Variants in ROCK1 observed in about 807,000 individuals in gnomAD.
The protein encoded by ROCK1 is rho-associated protein kinase 1.
ROCK1 carries 36 observed loss-of-function variants against 196.8 expected under a neutral mutation model. The ratio of observed to expected loss-of-function variants is 0.18; its 90% CI spans 0.14 to 0.24. The LOEUF (loss-of-function observed/expected upper bound fraction) is 0.24, where lower values mean the gene tolerates loss of function less well. Ranked by LOEUF, ROCK1 falls within the 10% of genes least tolerant of loss-of-function variation. ROCK1 has a pLI of 1.00. For synonymous variants in ROCK1, 443 were observed against 515.9 expected, an observed-to-expected ratio of 0.86 and a Z score of 1.91; for missense variants, 920 against 1,562.0, an observed-to-expected ratio of 0.59 and a Z score of 6.93.
chr18:20,962,841 C>T (rs977068025), intron 27 of ROCK1, among the ~76,000 whole-genome samples: 6 of 152,088 alleles, frequency 3.9e-5, no homozygotes, highest in African/African-American at 1.4e-4. Flanking sequence ...CTCAGAGAAG[C>T]AACTGAACTA....
intron 12 of ROCK1, among the ~76,000 whole-genome samples, chr18:21,017,182 ACTT>A (rs1334401374): frequency 4.9e-5 from 6 of 122,422 alleles, no homozygotes; most frequent in Non-Finnish European, 6.7e-5. Flanking sequence ...CACATACCAC[ACTT>A]CTTTTTTTTT....
chr18:20,952,290 G>A (rs1483847174), intron 32 of ROCK1, among the ~76,000 whole-genome samples: 1 of 152,080 alleles, frequency 6.6e-6, no homozygotes, highest in African/African-American at 2.4e-5. Flanking sequence ...GCTGAGGTGG[G>A]AGAATAGCTT....
At chr18:20,965,394 TAC>T (rs1568369245) in intron 27 of ROCK1, among the ~76,000 whole-genome samples, 217 of 137,810 alleles carry the variant, frequency 1.6e-3, no homozygotes, top group African/African-American at 5.3e-3. Context: ...CATACATACA[TAC>T]ATACATATAT....
At chr18:20,991,025 G>A (rs2035620701) in intron 18 of ROCK1, 151 bp downstream of exon 18, 1 of 555,948 alleles carries the variant, frequency 1.8e-6, no homozygotes, top group Non-Finnish European at 3.0e-6. Context: ...CTCCCAAAGT[G>A]ATGGGATTAC....
intron 1 of ROCK1, among the ~76,000 whole-genome samples, chr18:21,100,843 G>A (rs2036653505): frequency 6.6e-6 from 1 of 152,108 alleles, no homozygotes. Context: ...CTCTTCCATA[G>A]AGCTACCCTC....
At chr18:21,087,449 A>G (rs952400570) in intron 1 of ROCK1, among the ~76,000 whole-genome samples, 3 of 152,202 alleles carry the variant, frequency 2.0e-5, no homozygotes, top group African/African-American at 4.8e-5. Context: ...AAATGCAACA[A>G]TACAGGTAGG....
At chr18:21,015,371 A>G (rs1386474773) in intron 13 of ROCK1, 60 bp downstream of exon 13, 3 of 1,128,528 alleles carry the variant, frequency 2.7e-6, no homozygotes, top group African/African-American at 3.1e-5. Flanking sequence ...TCAGGAAACG[A>G]AACAATTTGA....
chr18:20,957,303 T>A (rs1043555481), intron 29 of ROCK1, among the ~76,000 whole-genome samples: 5 of 152,252 alleles, frequency 3.3e-5, no homozygotes, highest in African/African-American at 1.2e-4. Flanking sequence ...GTTATACTAT[T>A]CAGCAATACA....
chr18:21,028,655 G>T, intron 10 of ROCK1, 121 bp downstream of exon 10: 1 of 810,690 alleles, frequency 1.2e-6, no homozygotes, highest in Non-Finnish European at 1.9e-6. Context: ...ATGCATCAAT[G>T]AAAAATTGCA....
chr18:21,014,084 AAAG>A (rs2035842655), intron 13 of ROCK1, among the ~76,000 whole-genome samples: 2 of 151,666 alleles, frequency 1.3e-5, no homozygotes, highest in Non-Finnish European at 2.9e-5. Context: ...AAAAAAAAAA[AAAG>A]AATGAGGCTA....
intron 25 of ROCK1, 143 bp from the exon 26 acceptor site, chr18:20,968,083 C>G: frequency 2.6e-6 from 2 of 761,736 alleles, no homozygotes; most frequent in Non-Finnish European, 3.9e-6. Flanking sequence ...GACATGATAA[C>G]TGGTAGCACA....
chr18:21,109,904 C>T (rs2036735090), intron 1 of ROCK1, among the ~76,000 whole-genome samples: 2 of 152,078 alleles, frequency 1.3e-5, no homozygotes, highest in South Asian at 4.1e-4. Flanking sequence ...AAATCCTGTC[C>T]ATATACATGC....
rs2035931519 is a variant in ROCK1, at chr18:21,023,507, T to C, written c.1272+113A>G. On this transcript the variant is annotated intron_variant, in intron 11 of 32. Transcript: ENST00000399799. Reference sequence around the variant, plus strand: ...GATGAAAGTGCCATAAAAATCTAAGTTCAGCTAACCACAGCTTCACAAACA... The same window carrying C: ...GATGAAAGTGCCATAAAAATCTAAGCTCAGCTAACCACAGCTTCACAAACA... 8.0e-6 allele frequency: 4 copies of C among 499,660 alleles called. No homozygotes were observed. In the South Asian group the frequency reaches 2.0e-4, roughly 25 times the overall value. 31.0% of individuals were successfully genotyped at this position (499,660 alleles called of 1,614,324 possible).
At chr18:21,108,591 T>C (rs2036723075) in intron 1 of ROCK1, among the ~76,000 whole-genome samples, 1 of 152,194 alleles carries the variant, frequency 6.6e-6, no homozygotes, top group Non-Finnish European at 1.5e-5. Context: ...CTCCCTATAA[T>C]CCAGGCTCAA....
intron 11 of ROCK1, 56 bp downstream of exon 11, chr18:21,023,564 T>TTTTAAA: frequency 1.0e-6 from 1 of 958,054 alleles, no homozygotes; most frequent in Non-Finnish European, 1.6e-6. Context: ...CCCACAAATA[T>TTTTAAA]ATTATCCACA....
chr18:21,107,652 T>C (rs1026739984), intron 1 of ROCK1, among the ~76,000 whole-genome samples: 3 of 152,148 alleles, frequency 2.0e-5, no homozygotes, highest in African/African-American at 4.8e-5. Flanking sequence ...AATGACACAA[T>C]GAATGAATGA....
intron 21 of ROCK1, among the ~76,000 whole-genome samples, chr18:20,982,200 C>T (rs2035539465): frequency 6.6e-6 from 1 of 152,180 alleles, no homozygotes; most frequent in South Asian, 2.1e-4. Flanking sequence ...GCAGTAGATA[C>T]TTTGAATAAT....
In ROCK1 at chr18:20,949,441, C is replaced by A. The variant is rs2035161073; in HGVS notation, c.*1943G>T. The A allele has an allele frequency of 6.6e-6, 1 of 152,570 alleles. No homozygotes were observed. The highest frequency in any genetic ancestry group is 2.1e-4 in the South Asian group (1 of 4,832). 9.5% of individuals were successfully genotyped at this position (152,570 alleles called of 1,614,324 possible). A position where few individuals can be genotyped will look rare whatever the true frequency, so the allele number is the denominator to read the frequency against. On this transcript the variant is annotated 3_prime_UTR_variant, in exon 33 of 33. Coordinates refer to ENST00000399799, the MANE Select transcript of ROCK1 (RefSeq NM_005406.3). The stretch of plus-strand genomic sequence containing the variant: ...CCCTCCAAGCCCCATGTGGGCAATG[C>A]AGAGTGGCCCAGGTGGGTGCTGAGC...
chr18:21,100,323 G>A (rs1011271134), intron 1 of ROCK1, among the ~76,000 whole-genome samples: 1 of 151,418 alleles, frequency 6.6e-6, no homozygotes. Context: ...AAAGGAAAGA[G>A]TTTCCTGGAG....
Sources: allele counts gnomAD v4.1 joint callset (sites outside exome capture counted in the v4.1 genomes callset), GRCh38; gene constraint gnomAD v4.1.1; transcripts MANE v1.5; gene names NCBI Gene and HGNC (gene_info 2026-07-23, HGNC 2026-07-21).